The following GRM5 variants were observed in gnomAD, a reference collection of about 807,000 sequenced individuals.
The protein encoded by GRM5 is glutamate metabotropic receptor 5, also known as metabotropic glutamate receptor 5.
Under a neutral mutation model 83.1 loss-of-function variants are expected in GRM5, and 19 were observed. That is an observed-to-expected ratio of 0.23 (90% confidence interval 0.16 to 0.34). GRM5 has a LOEUF of 0.34. Ranked by LOEUF, GRM5 falls within the 10% of genes least tolerant of loss-of-function variation. The pLI is 1.00. For missense variants in GRM5, 1,160 were observed against 1,588.3 expected, an observed-to-expected ratio of 0.73 and a Z score of 4.58; for synonymous variants, 675 against 633.6, an observed-to-expected ratio of 1.07 and a Z score of -0.98.
At chr11:88,552,994 CCA>C (rs1361196274) in intron 8 of GRM5, among the ~76,000 whole-genome samples, 1 of 152,150 alleles carries the variant, frequency 6.6e-6, no homozygotes, top group African/African-American at 2.4e-5. Context: ...CTGCTTAGCT[CCA>C]GTTCATCACA....
At position 89,027,844 on chromosome 11, in the gene GRM5, C is replaced by T. The variant is rs1259982002; in HGVS notation, c.661+19368G>A. 3.3e-5 allele frequency among the ~76,000 whole-genome samples: 5 copies of T among 152,174 alleles called. No individual in the cohort carries two copies. In the East Asian group the frequency reaches 7.7e-4, roughly 23 times the overall value. ...ACTGCTATGGTCTGAATATCCTCTC[C>T]AAAACACATGTTGAAATTTGCCCTT... is the stretch of plus-strand genomic sequence containing the variant. On this transcript the variant is annotated intron_variant, in intron 2 of 9. Coordinates refer to ENST00000305447, the MANE Select transcript of GRM5 (RefSeq NM_001143831.3).
Position 88,508,652 on chromosome 11 carries a change from C to G in GRM5, c.3579G>C (p.Ser1193=). The stretch of plus-strand genomic sequence containing the variant: ...TGATAAGAGTGTCATATTTGGGAGA[C>G]GACGGGATACAGAGGGCCGACTCGG... ...PVSESALCIP[S]SPKYDTLIIR... is the part of the protein sequence containing the mutation. Residue 1193 remains serine, a synonymous_variant, in exon 10 of 10, where the codon TCG becomes TCC. Coordinates refer to ENST00000305447, the MANE Select transcript of GRM5 (RefSeq NM_001143831.3). This position sits in a 1 kb window ranked among gnomAD's most constrained non-coding sequence, Gnocchi z 4.2. The G allele has an allele frequency of 6.2e-7, 1 of 1,609,290 alleles. No individual in the cohort carries two copies. The highest frequency in any genetic ancestry group is 8.5e-7 in the Non-Finnish European group (1 of 1,177,922).
chr11:88,966,418 G>C (rs1938963466), intron 2 of GRM5, among the ~76,000 whole-genome samples: 1 of 151,970 alleles, frequency 6.6e-6, no homozygotes, highest in African/African-American at 2.4e-5. Context: ...AAAAAGCTGT[G>C]TTTTTGGAAA....
chr11:88,932,865 G>T (rs987591166), intron 2 of GRM5, among the ~76,000 whole-genome samples: 3 of 151,804 alleles, frequency 2.0e-5, no homozygotes, highest in African/African-American at 7.3e-5. Flanking sequence ...GTTTGATGTT[G>T]CCGAAATGCC....
intron 2 of GRM5, among the ~76,000 whole-genome samples, chr11:88,921,716 G>A (rs1373173976): frequency 6.6e-6 from 1 of 152,026 alleles, no homozygotes; most frequent in African/African-American, 2.4e-5. Flanking sequence ...GATGCCTACT[G>A]TCCCTACTGT....
At chr11:89,011,894 G>A (rs1382946740) in intron 2 of GRM5, among the ~76,000 whole-genome samples, 3 of 152,112 alleles carry the variant, frequency 2.0e-5, no homozygotes, top group Non-Finnish European at 4.4e-5. Flanking sequence ...TGCATTTAAG[G>A]AGAATTAAAA....
In GRM5 at chr11:88,850,005, G is replaced by A. The variant is rs202055287; in HGVS notation, c.812C>T (p.Ala271Val). The A allele has an allele frequency of 1.2e-6, 2 of 1,613,504 alleles. No homozygotes were observed. Among genetic ancestry groups the A allele is most frequent in the East Asian group, 2.2e-5 (1 of 44,886 alleles). Residue 271 changes from alanine (A) to valine (V), a missense_variant, in exon 3 of 10, where the codon GCC becomes GTC. Ala to Val is a moderately conservative substitution (Grantham distance 64). Around this residue, in one of 9 missense-constraint regions of GRM5, gnomAD observed 84 missense variants for 231.0 expected, o/e 0.36. Transcript: ENST00000305447. ...LKKLTSHLPK[A>V]RVVACFCEGM... Reference sequence around the variant, plus strand: ...CTCACAGAAGCAGGCCACCACCCGGGCCTTGGGCAAGTGACTTGTGAGCTT... The same window carrying A: ...CTCACAGAAGCAGGCCACCACCCGGACCTTGGGCAAGTGACTTGTGAGCTT...
intron 2 of GRM5, among the ~76,000 whole-genome samples, chr11:88,950,552 A>G (rs1377773652): frequency 6.6e-6 from 1 of 152,194 alleles, no homozygotes; most frequent in Non-Finnish European, 1.5e-5. Context: ...TGTGAAAACT[A>G]TTGAAAATAA....
At chr11:88,568,035 T>C in intron 7 of GRM5, 43 bp from the exon 8 acceptor site, 1 of 1,328,222 alleles carries the variant, frequency 7.5e-7, no homozygotes, top group Admixed American at 2.0e-5. Context: ...GGAGAGATGT[T>C]GACTTGGGTC....
chr11:88,919,861 A>C (rs563850928), intron 2 of GRM5, among the ~76,000 whole-genome samples: 1 of 152,204 alleles, frequency 6.6e-6, no homozygotes, highest in South Asian at 2.1e-4. Flanking sequence ...AATGAAAATG[A>C]AAATGCAAAA....
At chr11:88,577,282 G>A (rs928995627) in intron 7 of GRM5, among the ~76,000 whole-genome samples, 1 of 152,044 alleles carries the variant, frequency 6.6e-6, no homozygotes, top group Non-Finnish European at 1.5e-5. Flanking sequence ...CTCCAGTTGA[G>A]CTATGGGCAT....
chr11:88,598,205 C>T (rs1937874984), intron 5 of GRM5, among the ~76,000 whole-genome samples: 1 of 152,068 alleles, frequency 6.6e-6, no homozygotes, highest in Admixed American at 6.5e-5. Flanking sequence ...ATAGTACTGA[C>T]AGATAGACAT....
rs571599568 is a variant in GRM5 at position 88,525,322 on chromosome 11, C to G, written c.2713G>C (p.Ala905Pro). 6.2e-7 allele frequency: 1 copy of G among 1,602,192 alleles called. No homozygotes were observed. The highest frequency in any genetic ancestry group is 1.1e-5 in the South Asian group (1 of 90,834). The change falls in exon 9 of 10, where the codon GCA becomes CCA. Residue 905 changes from alanine to proline, a missense_variant. This residue lies in a region of GRM5 where 562 missense variants were observed against 532.4 expected (regional missense o/e 1.06). Coordinates refer to ENST00000305447, the MANE Select transcript of GRM5 (RefSeq NM_001143831.3). Reference sequence around the variant, plus strand: ...TAGTTTGCTTACCTGCTCATTGTTGCTCTCCCACCATTCCCCATACTCCCT... The same window carrying G: ...TAGTTTGCTTACCTGCTCATTGTTGGTCTCCCACCATTCCCCATACTCCCT... ...PKGSMGNGGR[A>P]TMSSSNGKSV...
At chr11:88,873,732 T>A (rs904860995) in intron 2 of GRM5, among the ~76,000 whole-genome samples, 58 of 151,812 alleles carry the variant, frequency 3.8e-4, no homozygotes, top group African/African-American at 1.3e-3. Context: ...TAGGAAAGTT[T>A]ATAGCAAAAA....
intron 4 of GRM5, among the ~76,000 whole-genome samples, chr11:88,637,743 G>A (rs1461547976): frequency 6.7e-6 from 1 of 148,938 alleles, no homozygotes; most frequent in Non-Finnish European, 1.5e-5. Context: ...GGAAGTCAGT[G>A]TGGTGATTCC....
At chr11:88,889,641 A>G (rs1462655046) in intron 2 of GRM5, among the ~76,000 whole-genome samples, 1 of 152,158 alleles carries the variant, frequency 6.6e-6, no homozygotes, top group African/African-American at 2.4e-5. Context: ...TATTCAAGTA[A>G]TAAATATATT....
At chr11:88,860,116 A>G (rs1294366060) in intron 2 of GRM5, among the ~76,000 whole-genome samples, 1 of 152,210 alleles carries the variant, frequency 6.6e-6, no homozygotes, top group Non-Finnish European at 1.5e-5. Context: ...ATTTTTTGGA[A>G]TATTCCAAGC....
intron 4 of GRM5, among the ~76,000 whole-genome samples, chr11:88,607,978 A>G (rs985652695): frequency 6.6e-6 from 1 of 152,234 alleles, no homozygotes; most frequent in African/African-American, 2.4e-5. Context: ...CCAGAACAGC[A>G]TGTCCTTCAA....
chr11:89,032,043 A>G (rs1361297887), intron 2 of GRM5, among the ~76,000 whole-genome samples: 3 of 152,070 alleles, frequency 2.0e-5, no homozygotes, highest in African/African-American at 7.2e-5. Context: ...TAAAAATACT[A>G]TTAATTTAAT....
Sources: gnomAD v4.1 joint callset for allele counts (sites outside exome capture counted in the v4.1 genomes callset) on GRCh38, gnomAD v4.1.1 for gene constraint, gnomAD v4.1.1 regional missense constraint, Gnocchi (gnomAD v3.1) non-coding constraint, MANE v1.5 for transcripts, NCBI Gene and HGNC (gene_info 2026-07-23, HGNC 2026-07-21) for gene names.